Variants in PDE7B observed in about 807,000 individuals in gnomAD.
PDE7B encodes phosphodiesterase 7B.
PDE7B carries 29 observed loss-of-function variants against 56.2 expected under a neutral mutation model. That is an observed-to-expected ratio of 0.52 (90% CI 0.38 to 0.70). The LOEUF is 0.70. PDE7B is among the 30% of genes least tolerant of loss of function. The pLI, the probability that PDE7B is intolerant of heterozygous loss-of-function variation, is 0.00. For synonymous variants in PDE7B, 197 were observed against 196.9 expected, an observed-to-expected ratio of 1.00 and a Z score of 0.00; for missense variants, 490 against 565.0, an observed-to-expected ratio of 0.87 and a Z score of 1.35.
At chr6:136,175,055 A>G (rs1484622691) in intron 9 of PDE7B, among the ~76,000 whole-genome samples, 1 of 152,178 alleles carries the variant, frequency 6.6e-6, no homozygotes, top group Non-Finnish European at 1.5e-5. Flanking sequence ...GAAATGGGAA[A>G]GGACTCTGGG....
intron 8 of PDE7B, among the ~76,000 whole-genome samples, chr6:136,167,323 C>A (rs535343244): frequency 1.4e-4 from 21 of 152,208 alleles, no homozygotes; most frequent in African/African-American, 5.1e-4. Context: ...TGTGTCCCCA[C>A]CCAAATCTCA....
At chr6:135,871,344 G>A (rs1775375875) in intron 1 of PDE7B, among the ~76,000 whole-genome samples, 1 of 152,190 alleles carries the variant, frequency 6.6e-6, no homozygotes, top group African/African-American at 2.4e-5. Flanking sequence ...ACAAAAGCCT[G>A]TGTAACCCAC....
intron 12 of PDE7B, among the ~76,000 whole-genome samples, chr6:136,188,134 T>C (rs1779169831): frequency 6.6e-6 from 1 of 152,082 alleles, no homozygotes. Context: ...TCACTGAAGG[T>C]CAAATCTAAT....
chr6:136,138,063 T>C (rs1778246594), intron 3 of PDE7B, among the ~76,000 whole-genome samples: 1 of 152,138 alleles, frequency 6.6e-6, no homozygotes, highest in Non-Finnish European at 1.5e-5. Context: ...TTAGGATAAC[T>C]GTAAATGCCT....
rs9483885 is a variant in PDE7B at position 135,864,350 on chromosome 6, T to C, written c.21+12331T>C. Among the ~76,000 whole-genome samples, 1,154 of 152,230 alleles carry C rather than the reference T, an allele frequency of 7.6e-3. 7 individuals carry two copies. Among genetic ancestry groups the C allele is most frequent in the African/African-American group, 0.026 (1,062 of 41,558 alleles). On this transcript the variant is annotated intron_variant, in intron 1 of 12. Coordinates refer to ENST00000308191, the MANE Select transcript of PDE7B (RefSeq NM_018945.4). ...ATTACACATCTTCTTCATTCTTTCCTGCATCTCTAAGGTCACATATAGGAT... is the reference window on the plus strand; with the variant it reads ...ATTACACATCTTCTTCATTCTTTCCCGCATCTCTAAGGTCACATATAGGAT...
Position 136,123,196 on chromosome 6 carries a change from A to G in PDE7B, c.166+14382A>G, listed in dbSNP as rs186341344. 1.1e-4 allele frequency among the ~76,000 whole-genome samples: 17 copies of G among 152,254 alleles called. 1 individual carries two copies. The highest frequency in any genetic ancestry group is 1.0e-3 in the Admixed American group (16 of 15,298). On this transcript the variant is annotated intron_variant, in intron 3 of 12. Coordinates refer to ENST00000308191, the MANE Select transcript of PDE7B (RefSeq NM_018945.4). ...CAAGACTCTATCTCTACAAAAAATA[A>G]AAATAAAACAATTAGCTGGGTGTGT... is the stretch of plus-strand genomic sequence containing the variant.
chr6:136,110,621 G>C (rs970860885), intron 3 of PDE7B, among the ~76,000 whole-genome samples: 1 of 151,576 alleles, frequency 6.6e-6, no homozygotes, highest in African/African-American at 2.4e-5. Flanking sequence ...CTTAATCCCA[G>C]TGTTAATAAG....
At chr6:136,037,926 G>A in intron 2 of PDE7B, 5 of 1,184,944 alleles carry the variant, frequency 4.2e-6, no homozygotes, top group Non-Finnish European at 5.3e-6. Context: ...CTGTAGCCTG[G>A]GATTAATTAA....
intron 1 of PDE7B, among the ~76,000 whole-genome samples, chr6:135,861,324 T>G (rs902963230): frequency 1.3e-5 from 2 of 151,732 alleles, no homozygotes; most frequent in African/African-American, 4.8e-5. Flanking sequence ...TTAAAATAAT[T>G]TACGCCCCCA....
intron 2 of PDE7B, among the ~76,000 whole-genome samples, chr6:135,999,871 T>C (rs527561766): frequency 6.6e-6 from 1 of 152,318 alleles, no homozygotes; most frequent in South Asian, 2.1e-4. Flanking sequence ...CTAATTTACA[T>C]TCCCACCAAC....
At chr6:135,939,402 G>A (rs1447328827) in intron 1 of PDE7B, among the ~76,000 whole-genome samples, 2 of 152,168 alleles carry the variant, frequency 1.3e-5, no homozygotes, top group Non-Finnish European at 2.9e-5. Flanking sequence ...GATCTGCACT[G>A]ACAGATTGTT....
At chr6:136,107,849 C>A (rs1033472912) in intron 2 of PDE7B, among the ~76,000 whole-genome samples, 1 of 152,092 alleles carries the variant, frequency 6.6e-6, no homozygotes, top group African/African-American at 2.4e-5. Context: ...AGGAAACCAG[C>A]CAGGCGTGGT....
chr6:136,155,497 A>T, intron 7 of PDE7B, 130 bp from the exon 8 acceptor site: 1 of 739,060 alleles, frequency 1.4e-6, no homozygotes, highest in Non-Finnish European at 2.2e-6. Flanking sequence ...TTAATGCTTC[A>T]AAGGGTAAAG....
At chr6:135,968,485 G>A (rs1035874242) in intron 2 of PDE7B, among the ~76,000 whole-genome samples, 22 of 152,114 alleles carry the variant, frequency 1.4e-4, no homozygotes, top group African/African-American at 4.8e-4. Context: ...GTGGGCAAAT[G>A]ACATGAACAG....
chr6:135,989,265 C>T (rs1296625926), intron 2 of PDE7B, among the ~76,000 whole-genome samples: 1 of 152,154 alleles, frequency 6.6e-6, no homozygotes, highest in Admixed American at 6.5e-5. Context: ...TTTTATCCGT[C>T]ACTATATTGC....
In PDE7B at chr6:136,149,088, A is replaced by T. The variant is rs754900327; in HGVS notation, c.320A>T (p.His107Leu). ...LDEDYLGQAR[H>L]MLSKVGMWDF... ...GCTGTTTTTTGTTTGCCTTTTCAGC[A>T]TATGCTCTCCAAAGTGGGAATGTGG... The change falls in exon 5 of 13, where the codon CAT (histidine) becomes CTT (leucine). Residue 107 changes from histidine (H) to leucine (L), a missense_variant and splice_region_variant. Coordinates refer to ENST00000308191, the MANE Select transcript of PDE7B (RefSeq NM_018945.4). 3.7e-6 allele frequency: 6 copies of T among 1,610,718 alleles called. No homozygotes were observed. Among genetic ancestry groups the T allele is most frequent in the Non-Finnish European group, 5.1e-6 (6 of 1,176,984 alleles).
chr6:136,004,917 C>G (rs1336526047), intron 2 of PDE7B, among the ~76,000 whole-genome samples: 1 of 152,014 alleles, frequency 6.6e-6, no homozygotes, highest in African/African-American at 2.4e-5. Flanking sequence ...GCCAAAAGAA[C>G]AAAGCTGGAG....
At chr6:136,013,137 C>A (rs1376522762) in intron 2 of PDE7B, among the ~76,000 whole-genome samples, 3 of 152,066 alleles carry the variant, frequency 2.0e-5, no homozygotes, top group Non-Finnish European at 4.4e-5. Flanking sequence ...GGAAAAAAAA[C>A]TTTTTTCATC....
At chr6:135,887,219 T>C (rs1167291348) in intron 1 of PDE7B, among the ~76,000 whole-genome samples, 2 of 152,132 alleles carry the variant, frequency 1.3e-5, no homozygotes, top group African/African-American at 4.8e-5. Context: ...TATTTGTTTT[T>C]CTTCTTGCTG....
Sources: gnomAD v4.1 joint callset for allele counts (sites outside exome capture counted in the v4.1 genomes callset) on GRCh38, gnomAD v4.1.1 for gene constraint, MANE v1.5 for transcripts, NCBI Gene and HGNC (gene_info 2026-07-23, HGNC 2026-07-21) for gene names.